The following CNTN5 variants were observed in gnomAD, a reference collection of about 807,000 sequenced individuals.
CNTN5 encodes the protein contactin-5.
CNTN5 carries 77 observed loss-of-function variants against 129.1 expected under a neutral mutation model. The observed-to-expected ratio is 0.60, with a 90% confidence interval of 0.50 to 0.72. CNTN5 has a LOEUF of 0.72. Ranked by LOEUF, CNTN5 falls within the 30% of genes least tolerant of loss-of-function variation. The pLI is 0.00. For missense variants in CNTN5, 1,478 were observed against 1,328.8 expected (o/e 1.11, Z -1.75); for synonymous variants, 509 against 465.6 (o/e 1.09, Z -1.20).
At chr11:100,048,781 G>C (rs1942814017) in intron 9 of CNTN5, among the ~76,000 whole-genome samples, 1 of 151,944 alleles carries the variant, frequency 6.6e-6, no homozygotes. Flanking sequence ...ATATTTTGAA[G>C]AGTATAAAAA....
At chr11:99,905,074 T>G (rs923001044) in intron 6 of CNTN5, among the ~76,000 whole-genome samples, 1 of 152,224 alleles carries the variant, frequency 6.6e-6, no homozygotes. Context: ...TGCAAAAATA[T>G]CCCTTTCTGT....
At chr11:100,099,723 T>C (rs1945153856) in intron 13 of CNTN5, among the ~76,000 whole-genome samples, 1 of 152,036 alleles carries the variant, frequency 6.6e-6, no homozygotes, top group South Asian at 2.1e-4. Flanking sequence ...TTCTCTGTGA[T>C]GTAGGCCCCA....
chr11:99,959,306 G>C (rs191369018), intron 8 of CNTN5, among the ~76,000 whole-genome samples: 1 of 152,170 alleles, frequency 6.6e-6, no homozygotes, highest in East Asian at 1.9e-4. Flanking sequence ...TAAATTTTTG[G>C]AAACTTCTGT....
chr11:99,560,465 T>G (rs1015144134), intron 3 of CNTN5, among the ~76,000 whole-genome samples: 9 of 151,942 alleles, frequency 5.9e-5, no homozygotes, highest in African/African-American at 2.2e-4. Context: ...CTAATTTTTC[T>G]ATTTTTAGTA....
chr11:99,511,736 G>A (rs1414402564), intron 2 of CNTN5, among the ~76,000 whole-genome samples: 1 of 151,816 alleles, frequency 6.6e-6, no homozygotes, highest in Non-Finnish European at 1.5e-5. Context: ...CCTGTATTGG[G>A]TGCATATATA....
intron 13 of CNTN5, among the ~76,000 whole-genome samples, chr11:100,189,110 A>AAACT (rs1019613465): frequency 6.6e-6 from 1 of 152,078 alleles, no homozygotes; most frequent in Non-Finnish European, 1.5e-5. Flanking sequence ...AAGAGTTGAA[A>AAACT]AACTAACTAT....
chr11:99,858,057 T>C (rs2135753034), intron 6 of CNTN5, among the ~76,000 whole-genome samples: 1 of 152,244 alleles, frequency 6.6e-6, no homozygotes, highest in African/African-American at 2.4e-5. Context: ...AAAAAAAAGT[T>C]ACCTCTTTCA....
intron 13 of CNTN5, among the ~76,000 whole-genome samples, chr11:100,084,458 C>G (rs1310880367): frequency 1.3e-5 from 2 of 152,022 alleles, no homozygotes; most frequent in Non-Finnish European, 2.9e-5. Context: ...ATAGTCACTT[C>G]TTTTCAGATT....
intron 1 of CNTN5, among the ~76,000 whole-genome samples, chr11:99,206,139 C>T (rs1458605284): frequency 6.6e-6 from 1 of 152,100 alleles, no homozygotes; most frequent in Non-Finnish European, 1.5e-5. Flanking sequence ...TGTTCCTCTC[C>T]ACTTTTAACT....
At chr11:99,128,391 C>A (rs12785325) in intron 1 of CNTN5, among the ~76,000 whole-genome samples, 37,111 of 152,168 alleles carry the variant, frequency 0.24, 4,917 homozygotes, top group Middle Eastern at 0.3. Context: ...CAGACTGCTT[C>A]TTTAGGTGGG....
At chr11:99,731,895 A>T (rs537684929) in intron 3 of CNTN5, among the ~76,000 whole-genome samples, 2 of 152,184 alleles carry the variant, frequency 1.3e-5, no homozygotes, top group East Asian at 3.9e-4. Flanking sequence ...AAGGAGAAAA[A>T]CTCCTTCTCT....
At chr11:99,436,160 A>G (rs1026890197) in intron 2 of CNTN5, among the ~76,000 whole-genome samples, 4 of 152,166 alleles carry the variant, frequency 2.6e-5, no homozygotes. Context: ...TTGAATTCCA[A>G]TTGACTGTAG....
At chr11:99,835,326 T>C (rs1295143318) in intron 4 of CNTN5, among the ~76,000 whole-genome samples, 2 of 152,088 alleles carry the variant, frequency 1.3e-5, no homozygotes, top group African/African-American at 2.4e-5. Context: ...TTTTTAACTG[T>C]GGTTGTGAGG....
intron 3 of CNTN5, among the ~76,000 whole-genome samples, chr11:99,690,384 T>C (rs192903916): frequency 6.6e-6 from 1 of 152,214 alleles, no homozygotes; most frequent in Admixed American, 6.5e-5. Flanking sequence ...CTTTGTTTTG[T>C]TGTTGTTGTT....
At chr11:99,815,476 T>C (rs1190371618) in intron 3 of CNTN5, among the ~76,000 whole-genome samples, 1 of 152,140 alleles carries the variant, frequency 6.6e-6, no homozygotes. Context: ...CCCACAATAC[T>C]GTAAATCAGT....
chr11:99,819,828 C>A, intron 4 of CNTN5, 63 bp downstream of exon 4: 1 of 1,033,778 alleles, frequency 9.7e-7, no homozygotes, highest in Non-Finnish European at 1.5e-6. Flanking sequence ...TTATTTAATA[C>A]TGTTGCAACA....
chr11:99,021,503 A>G (rs1190838779), intron 1 of CNTN5, among the ~76,000 whole-genome samples: 1 of 152,232 alleles, frequency 6.6e-6, no homozygotes, highest in Non-Finnish European at 1.5e-5. Flanking sequence ...AATATAACCT[A>G]TTTGTATATC....
Position 99,951,268 on chromosome 11 carries a change from T to TAAAA in CNTN5, c.674-5528_674-5525dup, listed in dbSNP as rs35112318. Among the ~76,000 whole-genome samples, 201 of 144,394 alleles carry TAAAA rather than the reference T, an allele frequency of 1.4e-3. 2 individuals are homozygous for TAAAA. The East Asian group carries it at 0.028, about 20-fold the overall frequency. 94.7% of individuals were successfully genotyped at this position (144,394 alleles called of 152,430 possible). The stretch of plus-strand genomic sequence containing the variant: ...CGCACAGACCAAGGGAAGAACTAGG[T>TAAAA]AAAAAAAAAAAAACATGAAAAGTAT... On this transcript the variant is annotated intron_variant, in intron 7 of 24. Transcript: ENST00000524871.
At chr11:99,420,999 T>C (rs1942862929) in intron 2 of CNTN5, among the ~76,000 whole-genome samples, 1 of 152,170 alleles carries the variant, frequency 6.6e-6, no homozygotes, top group African/African-American at 2.4e-5. Context: ...CATCTTCTTC[T>C]CATTCTTTCC....
Sources: gnomAD v4.1 joint callset for allele counts (sites outside exome capture counted in the v4.1 genomes callset) on GRCh38, gnomAD v4.1.1 for gene constraint, MANE v1.5 for transcripts, NCBI Gene and HGNC (gene_info 2026-07-23, HGNC 2026-07-21) for gene names.